LHCGR: variants seen among roughly 807,000 people sequenced by gnomAD.
LHCGR encodes luteinizing hormone/choriogonadotropin receptor.
A neutral mutation model predicts 60.7 loss-of-function variants in LHCGR; 55 were observed. That is an observed-to-expected ratio of 0.91 (90% CI 0.73 to 1.13). The LOEUF (loss-of-function observed/expected upper bound fraction) is 1.13. Ranked by LOEUF, LHCGR falls within the 50% of genes most tolerant of loss-of-function variation. The pLI is 0.00. For missense variants in LHCGR, 862 were observed against 836.0 expected, an observed-to-expected ratio of 1.03 and a Z score of -0.38; for synonymous variants, 337 against 316.5, an observed-to-expected ratio of 1.06 and a Z score of -0.69.
At chr2:48,739,467 G>A (rs920659713) in intron 1 of LHCGR, among the ~76,000 whole-genome samples, 1 of 152,178 alleles carries the variant, frequency 6.6e-6, no homozygotes, top group Non-Finnish European at 1.5e-5. Flanking sequence ...ATACACCATG[G>A]AATACTATGC....
chr2:48,692,729 T>C (rs1666915055), intron 10 of LHCGR, among the ~76,000 whole-genome samples: 2 of 152,182 alleles, frequency 1.3e-5, no homozygotes, highest in South Asian at 2.1e-4. Context: ...ACACATTATC[T>C]TGGGGAGAAT....
At position 48,714,908 on chromosome 2, in the gene LHCGR, G is replaced by A. The variant is rs181801068; in HGVS notation, c.537-854C>T. Among the ~76,000 whole-genome samples the A allele has an allele frequency of 2.4e-4, 36 of 152,306 alleles. No homozygotes were observed. The Middle Eastern group carries it at 0.01, about 43-fold the overall frequency. ...AAAGAAGGAAATAGGCTCAGTGAGG[G>A]AAAGTGACTTGTCTAAAGCCTACAA... On this transcript the variant is annotated intron_variant, in intron 6 of 10. Transcript: ENST00000294954.
intron 6 of LHCGR, among the ~76,000 whole-genome samples, chr2:48,722,125 G>C (rs191869627): frequency 1.2e-4 from 19 of 152,326 alleles, no homozygotes; most frequent in Non-Finnish European, 2.5e-4. Flanking sequence ...ACTCCAGCCT[G>C]GTGACAGAGC....
chr2:48,713,925 C>A, intron 7 of LHCGR, 61 bp downstream of exon 7: 2 of 1,269,000 alleles, frequency 1.6e-6, no homozygotes, highest in Non-Finnish European at 2.3e-6. Context: ...TGAATGTGAT[C>A]TTGTAGCCAG....
At chr2:48,702,567 C>T (rs1351983711) in intron 8 of LHCGR, among the ~76,000 whole-genome samples, 1 of 152,154 alleles carries the variant, frequency 6.6e-6, no homozygotes, top group Non-Finnish European at 1.5e-5. Context: ...CCAGCTTCAT[C>T]CATGTCCCTG....
chr2:48,708,422 A>G (rs540026723), intron 8 of LHCGR, among the ~76,000 whole-genome samples: 6 of 152,270 alleles, frequency 3.9e-5, no homozygotes, highest in African/African-American at 7.2e-5. Flanking sequence ...CGTTCCCAGT[A>G]CCTCAGACCT....
At chr2:48,716,437 G>C (rs1668254264) in intron 6 of LHCGR, among the ~76,000 whole-genome samples, 1 of 152,112 alleles carries the variant, frequency 6.6e-6, no homozygotes, top group South Asian at 2.1e-4. Context: ...ATGTTTCTCT[G>C]GAGGAGGCAA....
chr2:48,702,139 T>C (rs1185335199), intron 8 of LHCGR, among the ~76,000 whole-genome samples: 1 of 152,176 alleles, frequency 6.6e-6, no homozygotes, highest in Non-Finnish European at 1.5e-5. Context: ...TCTGGAACTC[T>C]GTTGCATTTC....
Position 48,729,711 on chromosome 2 carries a change from A to G in LHCGR, c.234-484T>C, listed in dbSNP as rs372587948. On this transcript the variant is annotated intron_variant, in intron 2 of 10. Transcript: ENST00000294954. ...AATTGTTTCATAACTCTTAACCCTT[A>G]GTTTCCCAAAATCTCGTGCTGAGGC... 5.3e-5 allele frequency among the ~76,000 whole-genome samples: 8 copies of G among 152,304 alleles called. No homozygotes were observed. In the East Asian group the frequency reaches 7.7e-4, roughly 15 times the overall value.
At chr2:48,722,135 C>T (rs184182934) in intron 6 of LHCGR, among the ~76,000 whole-genome samples, 2 of 152,222 alleles carry the variant, frequency 1.3e-5, no homozygotes, top group Admixed American at 6.5e-5. Flanking sequence ...GGTGACAGAG[C>T]GAGACTCAGT....
intron 1 of LHCGR, 70 bp downstream of exon 1, chr2:48,755,441 A>G (rs565026631): frequency 3.1e-6 from 3 of 959,320 alleles, no homozygotes; most frequent in Non-Finnish European, 4.7e-6. Flanking sequence ...AGGAGTAGGG[A>G]GGGAAGGTGG....
chr2:48,705,892 C>T (rs986538184), intron 8 of LHCGR, among the ~76,000 whole-genome samples: 1 of 152,122 alleles, frequency 6.6e-6, no homozygotes, highest in Admixed American at 6.5e-5. Context: ...AGCCCGTTTA[C>T]ATTTAAGATT....
chr2:48,707,473 G>A (rs1667747899), intron 8 of LHCGR, among the ~76,000 whole-genome samples: 2 of 152,252 alleles, frequency 1.3e-5, no homozygotes, highest in Non-Finnish European at 2.9e-5. Flanking sequence ...GGACGTTTAA[G>A]TCTGCAGAAG....
At chr2:48,715,764 G>A (rs528427749) in intron 6 of LHCGR, among the ~76,000 whole-genome samples, 11 of 152,158 alleles carry the variant, frequency 7.2e-5, no homozygotes, top group Admixed American at 3.3e-4. Flanking sequence ...ATAAAGGTGT[G>A]ACTCATGTTG....
rs549621881 is a variant in LHCGR at position 48,736,146 on chromosome 2, A to G, written c.162-4848T>C. On this transcript the variant is annotated intron_variant, in intron 1 of 10. Coordinates refer to ENST00000294954, the MANE Select transcript of LHCGR (RefSeq NM_000233.4). The stretch of plus-strand genomic sequence containing the variant: ...GCCAACTAAACCTCTTTTCTTTGTA[A>G]ATTACCCAGTCTTGGGTATTTCTTT... 4.5e-4 allele frequency among the ~76,000 whole-genome samples: 69 copies of G among 152,238 alleles called. 1 individual carries two copies. Among genetic ancestry groups the G allele is most frequent in the African/African-American group, 1.6e-3 (67 of 41,552 alleles).
intron 8 of LHCGR, among the ~76,000 whole-genome samples, chr2:48,707,482 A>G (rs755358185): frequency 6.6e-6 from 1 of 152,220 alleles, no homozygotes; most frequent in Non-Finnish European, 1.5e-5. Flanking sequence ...AGTCTGCAGA[A>G]GTTGTGCCCA....
intron 1 of LHCGR, among the ~76,000 whole-genome samples, chr2:48,736,729 T>C (rs1669220511): frequency 6.6e-6 from 1 of 152,208 alleles, no homozygotes; most frequent in African/African-American, 2.4e-5. Flanking sequence ...TTGTATGTTA[T>C]ATATATTAAA....
At chr2:48,706,034 G>A (rs929123879) in intron 8 of LHCGR, among the ~76,000 whole-genome samples, 15 of 152,168 alleles carry the variant, frequency 9.9e-5, no homozygotes, top group African/African-American at 3.6e-4. Flanking sequence ...GCTGGCACTG[G>A]TTGTTCCTTT....
intron 4 of LHCGR, among the ~76,000 whole-genome samples, chr2:48,724,891 C>T (rs539186866): frequency 6.6e-6 from 1 of 152,172 alleles, no homozygotes; most frequent in African/African-American, 2.4e-5. Flanking sequence ...GAGAGATGTC[C>T]CTTCTCTCTG....
Sources: allele counts gnomAD v4.1 joint callset (sites outside exome capture counted in the v4.1 genomes callset), GRCh38; gene constraint gnomAD v4.1.1; transcripts MANE v1.5; gene names NCBI Gene and HGNC (gene_info 2026-07-23, HGNC 2026-07-21).